The following RAP1A variants were observed in gnomAD, a reference collection of about 807,000 sequenced individuals.
RAP1A encodes the protein RAP1A, member of RAS oncogene family, also known as ras-related protein Rap-1A.
A neutral mutation model predicts 26.4 loss-of-function variants in RAP1A; 6 were observed. The ratio of observed to expected loss-of-function variants is 0.23; its 90% CI spans 0.12 to 0.45. The LOEUF (loss-of-function observed/expected upper bound fraction) is 0.45, where lower values mean the gene tolerates loss of function less well. Among genes scored for constraint, RAP1A ranks in the 20% least tolerant of loss-of-function variants. The pLI, the probability that RAP1A is intolerant of heterozygous loss-of-function variation, is 0.99. For missense variants in RAP1A, 121 were observed against 217.2 expected, an observed-to-expected ratio of 0.56 and a Z score of 2.78; for synonymous variants, 73 against 79.4, an observed-to-expected ratio of 0.92 and a Z score of 0.43.
At chr1:111,553,810 C>A (rs1267369827) in intron 1 of RAP1A, among the ~76,000 whole-genome samples, 8 of 152,134 alleles carry the variant, frequency 5.3e-5, no homozygotes. Flanking sequence ...AACTCAAATC[C>A]ATCTCTTAAC....
intron 1 of RAP1A, among the ~76,000 whole-genome samples, chr1:111,613,239 A>G (rs1001871120): frequency 3.3e-5 from 5 of 149,370 alleles, no homozygotes; most frequent in African/African-American, 7.4e-5. Context: ...TTGCTCTGTC[A>G]CCCAGGCTGG....
At chr1:111,624,139 T>C (rs1016987481) in intron 1 of RAP1A, among the ~76,000 whole-genome samples, 3 of 152,244 alleles carry the variant, frequency 2.0e-5, no homozygotes, top group Non-Finnish European at 4.4e-5. Context: ...TGATTACATC[T>C]AATCATTTGT....
chr1:111,621,610 A>G (rs770025217), intron 1 of RAP1A, among the ~76,000 whole-genome samples: 18 of 152,300 alleles, frequency 1.2e-4, no homozygotes, highest in African/African-American at 2.9e-4. Flanking sequence ...TTTGAGAGGT[A>G]CCCTATATTA....
chr1:111,648,174 AGTGTGTGTGTGTGTGTGT>A lies in RAP1A; in HGVS notation c.-28+28253_-28+28270del. 5 of 230,352 alleles carry A rather than the reference AGTGTGTGTGTGTGTGTGT, an allele frequency of 2.2e-5. No individual in the cohort carries two copies. The South Asian group carries it at 2.6e-4, about 12-fold the overall frequency. 14.3% of individuals were successfully genotyped at this position (230,352 alleles called of 1,614,324 possible). A position where few individuals can be genotyped will look rare whatever the true frequency, so the allele number is the denominator to read the frequency against. ...GAGCCTCTGCCTCCCAGGTTCAAAC[AGTGTGTGTGTGTGTGTGT>A]GTGTGTGTGTGTATTTTTTTTTTTT... is the stretch of plus-strand genomic sequence containing the variant. On this transcript the variant is annotated intron_variant, in intron 1 of 7. Coordinates refer to ENST00000369709, the MANE Select transcript of RAP1A (RefSeq NM_002884.4).
rs547363076 is a variant in RAP1A, at chr1:111,688,422, C to T, written c.-27-2912C>T. Among the ~76,000 whole-genome samples, 461 of 150,696 alleles carry T rather than the reference C, an allele frequency of 3.1e-3. 3 individuals are homozygous for T. Among genetic ancestry groups the T allele is most frequent in the African/African-American group, 0.011 (443 of 41,020 alleles). On this transcript the variant is annotated intron_variant, in intron 1 of 7. Transcript: ENST00000369709. ...GTAAGCACTGCCTCCCAGGTTCAAG[C>T]GATTCTCCTGCTTCCGCCTCCCAAG...
At chr1:111,675,805 A>G (rs1381307897) in intron 1 of RAP1A, among the ~76,000 whole-genome samples, 1 of 152,238 alleles carries the variant, frequency 6.6e-6, no homozygotes, top group Non-Finnish European at 1.5e-5. Context: ...ACTGGGCAAA[A>G]GAAAGAGATT....
rs1000768208 is a variant in RAP1A, at chr1:111,619,830, T to C, written c.-132T>C. 4.3e-5 allele frequency: 17 copies of C among 397,084 alleles called. No individual in the cohort carries two copies. The highest frequency in any genetic ancestry group is 1.3e-3 in the Middle Eastern group (2 of 1,576). 24.6% of individuals were successfully genotyped at this position (397,084 alleles called of 1,614,324 possible). ...CCCCTGCCGCCGCCGCTCCCGCTGCTGTCGCCGCGCAGAGCCGGAGCAGGA... is the reference window on the plus strand; with the variant it reads ...CCCCTGCCGCCGCCGCTCCCGCTGCCGTCGCCGCGCAGAGCCGGAGCAGGA... On this transcript the variant is annotated 5_prime_UTR_variant, in exon 1 of 8. Transcript: ENST00000369709.
intron 1 of RAP1A, among the ~76,000 whole-genome samples, chr1:111,639,275 T>C (rs1324046555): frequency 6.6e-6 from 1 of 152,162 alleles, no homozygotes; most frequent in Non-Finnish European, 1.5e-5. Flanking sequence ...CTAATATAGC[T>C]CAAAATATCA....
chr1:111,667,682 C>CA (rs58742031), intron 1 of RAP1A, among the ~76,000 whole-genome samples: 21,330 of 117,662 alleles, frequency 0.18, 1,644 homozygotes, highest in South Asian at 0.21. Flanking sequence ...GACTCCGTCT[C>CA]AAAAAAAAAA....
intron 1 of RAP1A, among the ~76,000 whole-genome samples, chr1:111,662,382 G>A (rs979752686): frequency 2.3e-5 from 3 of 128,982 alleles, no homozygotes; most frequent in Non-Finnish European, 3.2e-5. Context: ...GCGAAAGAGC[G>A]AGACTCCATC....
At chr1:111,603,104 G>A (rs542410880) in intron 1 of RAP1A, among the ~76,000 whole-genome samples, 2 of 152,322 alleles carry the variant, frequency 1.3e-5, no homozygotes, top group East Asian at 3.9e-4. Flanking sequence ...ACTGCCAGAG[G>A]GCTTTCCTGA....
intron 1 of RAP1A, among the ~76,000 whole-genome samples, chr1:111,636,163 A>T (rs1659723870): frequency 1.3e-5 from 2 of 152,088 alleles, no homozygotes; most frequent in Admixed American, 1.3e-4. Context: ...TAGAGAATTG[A>T]ATATAGCTGA....
At chr1:111,636,885 T>A (rs995143069) in intron 1 of RAP1A, among the ~76,000 whole-genome samples, 2 of 152,246 alleles carry the variant, frequency 1.3e-5, no homozygotes, top group Non-Finnish European at 2.9e-5. Context: ...CATAATTTTT[T>A]AAATCTCTCA....
chr1:111,627,865 T>C (rs1659447379), intron 1 of RAP1A, among the ~76,000 whole-genome samples: 1 of 151,844 alleles, frequency 6.6e-6, no homozygotes, highest in South Asian at 2.1e-4. Flanking sequence ...GTAATAAATA[T>C]AAATATTATG....
At chr1:111,565,498 G>A (rs750154009) in intron 1 of RAP1A, among the ~76,000 whole-genome samples, 17 of 152,216 alleles carry the variant, frequency 1.1e-4, no homozygotes, top group Non-Finnish European at 2.1e-4. Context: ...CCTGATTCCT[G>A]TAGTAACATA....
chr1:111,668,756 G>A lies in RAP1A; in HGVS notation c.-27-22578G>A, dbSNP rs557980470. Among the ~76,000 whole-genome samples the A allele has an allele frequency of 3.9e-5, 6 of 152,166 alleles. No homozygotes were observed. In the East Asian group the frequency reaches 1.2e-3, roughly 29 times the overall value. ...GAAATGAAATATATAGGCTGTATGC[G>A]GTGATGCACATCTGTAATCCCAGCA... On this transcript the variant is annotated intron_variant, in intron 1 of 7. Transcript: ENST00000369709.
Position 111,646,357 on chromosome 1 carries a change from T to C in RAP1A, c.-28+26423T>C, listed in dbSNP as rs577713949. 1.8e-3 allele frequency among the ~76,000 whole-genome samples: 277 copies of C among 152,018 alleles called. 1 individual carries two copies. Among genetic ancestry groups the C allele is most frequent in the African/African-American group, 6.5e-3 (269 of 41,426 alleles). The stretch of plus-strand genomic sequence containing the variant: ...CCTGCCAATTAGAGCTAGTGATGTT[T>C]TGTTCTAATTTGGAGAGACAGGGTG... On this transcript the variant is annotated intron_variant, in intron 1 of 7. Transcript: ENST00000369709.
chr1:111,643,788 T>C (rs1008736692), intron 1 of RAP1A, among the ~76,000 whole-genome samples: 1 of 152,172 alleles, frequency 6.6e-6, no homozygotes, highest in Non-Finnish European at 1.5e-5. Flanking sequence ...ACAGAACCTA[T>C]AAGACCATAC....
At chr1:111,599,702 T>C (rs1030040893) in intron 1 of RAP1A, 7 of 152,108 alleles carry the variant, frequency 4.6e-5, no homozygotes, top group African/African-American at 1.4e-4. Flanking sequence ...AGACAGCACT[T>C]TGGAGATTCT....
Sources: allele counts gnomAD v4.1 joint callset (sites outside exome capture counted in the v4.1 genomes callset), GRCh38; gene constraint gnomAD v4.1.1; transcripts MANE v1.5; gene names NCBI Gene and HGNC (gene_info 2026-07-23, HGNC 2026-07-21).